ZFYVE9: variants seen among roughly 807,000 people sequenced by gnomAD.
ZFYVE9 encodes zinc finger FYVE domain-containing protein 9.
ZFYVE9 carries 43 observed loss-of-function variants against 126.7 expected under a neutral mutation model. The ratio of observed to expected loss-of-function variants is 0.34; its 90% CI spans 0.27 to 0.44. ZFYVE9 has a LOEUF of 0.44. Among genes scored for constraint, ZFYVE9 ranks in the 20% least tolerant of loss-of-function variants. The pLI is 1.00. For synonymous variants in ZFYVE9, 521 were observed against 597.4 expected, an observed-to-expected ratio of 0.87 and a Z score of 1.87; for missense variants, 1,476 against 1,697.0, an observed-to-expected ratio of 0.87 and a Z score of 2.29.
At chr1:52,219,749 T>TG (rs1431955734) in intron 2 of ZFYVE9, among the ~76,000 whole-genome samples, 55 of 113,348 alleles carry the variant, frequency 4.9e-4, no homozygotes, top group Middle Eastern at 9.5e-3. Context: ...CCAAGATCTT[T>TG]TGTGTGTGTG....
At position 52,155,808 on chromosome 1, in the gene ZFYVE9, C is replaced by T. The variant is rs542578732; in HGVS notation, c.-143+13405C>T. ...CTAGAATCTGAAGGAGCCTACCAGA[C>T]ATTGTGCTTCCTTTTTTGTAGTTGG... On this transcript the variant is annotated intron_variant, in intron 1 of 18. Transcript: ENST00000287727. Among the ~76,000 whole-genome samples the T allele has an allele frequency of 2.0e-5, 3 of 152,338 alleles. No individual in the cohort carries two copies. The South Asian group carries it at 6.2e-4, about 32-fold the overall frequency.
intron 7 of ZFYVE9, among the ~76,000 whole-genome samples, chr1:52,269,605 T>G (rs76553789): frequency 0.012 from 1,863 of 152,256 alleles, 32 homozygotes; most frequent in African/African-American, 0.043. Flanking sequence ...CAGAGCTGAC[T>G]TACCTGTTTG....
chr1:52,263,240 A>C (rs1416319820), intron 4 of ZFYVE9, among the ~76,000 whole-genome samples: 1 of 152,190 alleles, frequency 6.6e-6, no homozygotes, highest in Non-Finnish European at 1.5e-5. Flanking sequence ...TCCTGTAGCT[A>C]AAGCAGTGCG....
intron 2 of ZFYVE9, among the ~76,000 whole-genome samples, chr1:52,227,780 C>T (rs1401907462): frequency 6.6e-6 from 1 of 152,208 alleles, no homozygotes; most frequent in African/African-American, 2.4e-5. Flanking sequence ...TTCCATCCTG[C>T]TCCATTGCTG....
intron 1 of ZFYVE9, among the ~76,000 whole-genome samples, chr1:52,159,740 G>A (rs1572063048): frequency 6.6e-6 from 1 of 152,252 alleles, no homozygotes; most frequent in East Asian, 1.9e-4. Flanking sequence ...TACCTCCATG[G>A]CTGCAACATG....
At chr1:52,332,966 G>T (rs1446534844) in intron 14 of ZFYVE9, 48 bp downstream of exon 14, 1 of 1,609,576 alleles carries the variant, frequency 6.2e-7, no homozygotes, top group Admixed American at 1.7e-5. Context: ...AATTATACTG[G>T]ACTTGGACAG....
At chr1:52,161,437 G>A (rs749764550) in intron 1 of ZFYVE9, among the ~76,000 whole-genome samples, 20 of 152,058 alleles carry the variant, frequency 1.3e-4, no homozygotes, top group East Asian at 3.9e-4. Context: ...CAGCAAGCAC[G>A]CACTACCACG....
intron 1 of ZFYVE9, among the ~76,000 whole-genome samples, chr1:52,169,830 G>C (rs1246568349): frequency 6.6e-6 from 1 of 152,158 alleles, no homozygotes; most frequent in African/African-American, 2.4e-5. Context: ...TGAAGTATTT[G>C]TACCCTAACT....
intron 10 of ZFYVE9, among the ~76,000 whole-genome samples, chr1:52,289,877 G>A (rs964682543): frequency 3.1e-4 from 47 of 152,144 alleles, no homozygotes; most frequent in African/African-American, 1.0e-3. Context: ...AGTGTTAAAT[G>A]GAAGAGGCAG....
At chr1:52,305,167 G>A (rs1347672101) in intron 13 of ZFYVE9, among the ~76,000 whole-genome samples, 3 of 152,152 alleles carry the variant, frequency 2.0e-5, no homozygotes, top group Admixed American at 1.3e-4. Flanking sequence ...CTGGCCAAGC[G>A]CGATGGCTCA....
chr1:52,319,228 T>C (rs974838387), intron 13 of ZFYVE9, among the ~76,000 whole-genome samples: 1 of 152,226 alleles, frequency 6.6e-6, no homozygotes, highest in Non-Finnish European at 1.5e-5. Context: ...AGATATATAA[T>C]ATTTATGGAT....
chr1:52,249,904 T>C (rs1034080091), intron 4 of ZFYVE9, among the ~76,000 whole-genome samples: 2 of 152,260 alleles, frequency 1.3e-5, no homozygotes, highest in African/African-American at 4.8e-5. Flanking sequence ...TTTGGCACTC[T>C]TGTCAAAACT....
At chr1:52,257,620 T>G (rs1001113362) in intron 4 of ZFYVE9, among the ~76,000 whole-genome samples, 9 of 152,250 alleles carry the variant, frequency 5.9e-5, no homozygotes, top group Admixed American at 1.3e-4. Context: ...AATGTGTTGT[T>G]GCAAAAGTTG....
At position 52,346,522 on chromosome 1, in the gene ZFYVE9, C is replaced by T. The variant is rs137955237; in HGVS notation, c.*301C>T. 281 of 410,670 alleles carry T rather than the reference C, an allele frequency of 6.8e-4. 2 individuals are homozygous for T. In the East Asian group the frequency reaches 8.7e-3, roughly 13 times the overall value. The allele number at this position is 410,670 out of a possible 1,614,324, so 25.4% of individuals were successfully genotyped here. A position where few individuals can be genotyped will look rare whatever the true frequency, so the allele number is the denominator to read the frequency against. On this transcript the variant is annotated 3_prime_UTR_variant, in exon 19 of 19. Transcript: ENST00000287727. ...TCTGTTACTGTTTAGACAAGAATTC[C>T]GCTCCTCTCTCAAGATTTACTTATG...
chr1:52,149,125 C>T (rs189476059), intron 1 of ZFYVE9, among the ~76,000 whole-genome samples: 298 of 151,430 alleles, frequency 2.0e-3, no homozygotes, highest in Middle Eastern at 0.017. Context: ...CACTATGCAC[C>T]GCTAATTTTT....
At chr1:52,313,303 T>A (rs1324375470) in intron 13 of ZFYVE9, among the ~76,000 whole-genome samples, 1 of 152,108 alleles carries the variant, frequency 6.6e-6, no homozygotes, top group Non-Finnish European at 1.5e-5. Context: ...CAAAAGATAA[T>A]GGGCAGAGAA....
chr1:52,144,588 T>G (rs1644291044), intron 1 of ZFYVE9, among the ~76,000 whole-genome samples: 2 of 151,900 alleles, frequency 1.3e-5, no homozygotes, highest in South Asian at 4.2e-4. Context: ...GTCTATTTTC[T>G]AGCAAAACTA....
chr1:52,250,235 C>A (rs529168409), intron 4 of ZFYVE9, among the ~76,000 whole-genome samples: 1 of 152,254 alleles, frequency 6.6e-6, no homozygotes, highest in South Asian at 2.1e-4. Context: ...GCCTTCTAGT[C>A]CATGAACATG....
intron 4 of ZFYVE9, among the ~76,000 whole-genome samples, chr1:52,241,799 G>A (rs1227966027): frequency 1.3e-5 from 2 of 151,964 alleles, no homozygotes; most frequent in Non-Finnish European, 2.9e-5. Context: ...ATACTAATTG[G>A]ATTATGCTGA....
Sources: allele counts gnomAD v4.1 joint callset (sites outside exome capture counted in the v4.1 genomes callset), GRCh38; gene constraint gnomAD v4.1.1; transcripts MANE v1.5; gene names NCBI Gene and HGNC (gene_info 2026-07-23, HGNC 2026-07-21).